Variants in FRK observed in about 807,000 individuals in gnomAD.
The protein encoded by FRK is fyn related Src family tyrosine kinase, also known as tyrosine-protein kinase FRK.
A neutral mutation model predicts 56.4 loss-of-function variants in FRK; 51 were observed. That is an observed-to-expected ratio of 0.90 (90% CI 0.72 to 1.14). The LOEUF (loss-of-function observed/expected upper bound fraction) is 1.14, where lower values mean the gene tolerates loss of function less well. FRK is among the 50% of genes most tolerant of loss of function. The pLI, the probability that FRK is intolerant of heterozygous loss-of-function variation, is 0.00. For missense variants in FRK, 570 were observed against 601.4 expected (o/e 0.95, Z 0.55); for synonymous variants, 245 against 217.9 (o/e 1.12, Z -1.10).
At chr6:115,962,336 G>A (rs1284794089) in intron 4 of FRK, among the ~76,000 whole-genome samples, 3 of 151,588 alleles carry the variant, frequency 2.0e-5, no homozygotes, top group African/African-American at 7.3e-5. Context: ...AATTCAACAA[G>A]AGAGGCTAAC....
At chr6:115,987,313 C>T (rs1335928624) in intron 2 of FRK, among the ~76,000 whole-genome samples, 2 of 151,996 alleles carry the variant, frequency 1.3e-5, no homozygotes, top group African/African-American at 2.4e-5. Context: ...CCTAAAGCCA[C>T]AGTTCTAGTA....
At chr6:116,044,673 C>G (rs1038152678) in intron 1 of FRK, among the ~76,000 whole-genome samples, 12 of 152,134 alleles carry the variant, frequency 7.9e-5, no homozygotes, top group African/African-American at 2.9e-4. Context: ...AAAATTGGCA[C>G]AAGACAAGGA....
At chr6:116,004,862 C>T (rs375976618) in intron 1 of FRK, among the ~76,000 whole-genome samples, 1 of 152,114 alleles carries the variant, frequency 6.6e-6, no homozygotes, top group South Asian at 2.1e-4. Context: ...TGACCCCTCA[C>T]TGTAGGGCCA....
intron 2 of FRK, among the ~76,000 whole-genome samples, chr6:115,988,337 A>T (rs904719906): frequency 6.6e-6 from 1 of 152,044 alleles, no homozygotes; most frequent in African/African-American, 2.4e-5. Flanking sequence ...AACTATCACC[A>T]TATAAAAACT....
rs776493254 is a variant in FRK at position 116,060,032 on chromosome 6, G to A, written c.280C>T (p.Gln94Ter). The change falls in exon 1 of 8, where the codon CAG becomes TAG. Residue 94 changes from glutamine (Q) to a stop codon, truncating the protein, a stop_gained. Transcript: ENST00000606080. LOFTEE classifies it high-confidence loss of function. ...HLEKRRDGSS[Q>*]QLQGYIPSNY... is the part of the protein sequence containing the mutation. Reference sequence around the variant, plus strand: ...GAAGGAATATAGCCTTGTAGTTGCTGACTGGAGCCATCTCGTCTTTTCTCC... The same window carrying A: ...GAAGGAATATAGCCTTGTAGTTGCTAACTGGAGCCATCTCGTCTTTTCTCC... 6 of 1,614,170 alleles carry A rather than the reference G, an allele frequency of 3.7e-6. No individual in the cohort carries two copies. The highest frequency in any genetic ancestry group is 3.3e-5 in the South Asian group (3 of 91,066).
the FRK span, among the ~76,000 whole-genome samples, chr6:116,066,456 T>G: frequency 6.6e-6 from 1 of 151,532 alleles, no homozygotes; most frequent in Admixed American, 6.6e-5. Flanking sequence ...TGTGTATGTG[T>G]GTGTGTATCC....
chr6:116,098,804 G>A, the FRK span, among the ~76,000 whole-genome samples: 1 of 152,154 alleles, frequency 6.6e-6, no homozygotes, highest in Non-Finnish European at 1.5e-5. Context: ...TAAACTGAGT[G>A]TTTGTATTTA....
intron 1 of FRK, among the ~76,000 whole-genome samples, chr6:116,056,171 T>C (rs376138685): frequency 6.6e-6 from 1 of 151,860 alleles, no homozygotes; most frequent in African/African-American, 2.4e-5. Flanking sequence ...AGGTACACTT[T>C]AACAATTAAG....
intron 2 of FRK, among the ~76,000 whole-genome samples, chr6:115,992,936 C>T (rs1774674590): frequency 2.6e-5 from 4 of 151,630 alleles, no homozygotes; most frequent in Admixed American, 2.6e-4. Flanking sequence ...TCTATTATAT[C>T]AAAAAGCAAA....
rs1582760878 is a variant in FRK, at chr6:116,051,800, G to A, written c.344+8168C>T. Among the ~76,000 whole-genome samples the A allele has an allele frequency of 2.0e-5, 3 of 152,054 alleles. No homozygotes were observed. In the South Asian group the frequency reaches 6.2e-4, roughly 31 times the overall value. ...TAGTAGTTAATTAGTGAGAAAACTA[G>A]TAAAAAGAAGATAAAATTATTTTTT... On this transcript the variant is annotated intron_variant, in intron 1 of 7. Coordinates refer to ENST00000606080, the MANE Select transcript of FRK (RefSeq NM_002031.3).
chr6:116,022,730 A>G (rs557727758), intron 1 of FRK, among the ~76,000 whole-genome samples: 1 of 152,188 alleles, frequency 6.6e-6, no homozygotes, highest in South Asian at 2.1e-4. Context: ...AAGAACAGAC[A>G]AGAGCTACAA....
intron 2 of FRK, among the ~76,000 whole-genome samples, chr6:115,978,948 G>A (rs530898314): frequency 3.4e-4 from 51 of 151,822 alleles, no homozygotes; most frequent in Non-Finnish European, 6.8e-4. Flanking sequence ...AGCTACTCGG[G>A]AGGATGAAGT....
chr6:116,064,492 G>A (rs1247810219), upstream of FRK, among the ~76,000 whole-genome samples: 2 of 152,174 alleles, frequency 1.3e-5, no homozygotes, highest in African/African-American at 2.4e-5. Flanking sequence ...AATGGAAGCA[G>A]GAAGAAACAA....
upstream of FRK, among the ~76,000 whole-genome samples, chr6:116,065,836 G>T (rs1777751989): frequency 6.6e-6 from 1 of 152,134 alleles, no homozygotes; most frequent in Non-Finnish European, 1.5e-5. Flanking sequence ...GAAATCTAAT[G>T]AATGTCATTC....
chr6:116,085,758 TG>T, the FRK span, among the ~76,000 whole-genome samples: 1 of 151,674 alleles, frequency 6.6e-6, no homozygotes, highest in Non-Finnish European at 1.5e-5. Flanking sequence ...GAGGGAGAGA[TG>T]GTACAGAGAA....
chr6:115,942,230 C>T lies in FRK; in HGVS notation c.*184G>A, dbSNP rs1772213294. 2 of 564,122 alleles carry T rather than the reference C, an allele frequency of 3.5e-6. No individual in the cohort carries two copies. The highest frequency in any genetic ancestry group is 3.2e-6 in the Non-Finnish European group (1 of 316,346). The allele number at this position is 564,122 out of a possible 1,614,324, so 34.9% of individuals were successfully genotyped here. A position where few individuals can be genotyped will look rare whatever the true frequency, so the allele number is the denominator to read the frequency against. On this transcript the variant is annotated 3_prime_UTR_variant, in exon 8 of 8. Coordinates refer to ENST00000606080, the MANE Select transcript of FRK (RefSeq NM_002031.3). ...GAAATTATATATCACCTTGACTGTC[C>T]TGCAGTGTTGCCCAGTCAATAAAAT...
intron 4 of FRK, among the ~76,000 whole-genome samples, chr6:115,958,634 G>GGAAAGAAA (rs1379880268): frequency 1.8e-5 from 1 of 55,716 alleles, no homozygotes; most frequent in Middle Eastern, 7.0e-3. Flanking sequence ...TCTCAAAAAA[G>GGAAAGAAA]GAAAGAAAGA....
chr6:115,952,144 T>G (rs1582638759), intron 5 of FRK, among the ~76,000 whole-genome samples: 1 of 152,264 alleles, frequency 6.6e-6, no homozygotes, highest in African/African-American at 2.4e-5. Context: ...GCTTGTTCAC[T>G]CTGATGGTAG....
Position 116,007,291 on chromosome 6 carries a change from T to C in FRK, c.345-3293A>G, listed in dbSNP as rs144935530. On this transcript the variant is annotated intron_variant, in intron 1 of 7. Transcript: ENST00000606080. Reference sequence around the variant, plus strand: ...GGACAAACCCTTCAATGGACACTACTCACTCATGCTTGCTCTCCAGTCTTT... The same window carrying C: ...GGACAAACCCTTCAATGGACACTACCCACTCATGCTTGCTCTCCAGTCTTT... 5.7e-3 allele frequency among the ~76,000 whole-genome samples: 861 copies of C among 152,330 alleles called. 8 individuals are homozygous for C. Among genetic ancestry groups the C allele is most frequent in the African/African-American group, 0.02 (817 of 41,576 alleles).
Sources: allele counts gnomAD v4.1 joint callset (sites outside exome capture counted in the v4.1 genomes callset), GRCh38; gene constraint gnomAD v4.1.1; transcripts MANE v1.5; gene names NCBI Gene and HGNC (gene_info 2026-07-23, HGNC 2026-07-21).